KHDRBS2: variants seen among roughly 807,000 people sequenced by gnomAD.
KHDRBS2 encodes KH domain-containing, RNA-binding, signal transduction-associated protein 2.
Under a neutral mutation model 44.3 loss-of-function variants are expected in KHDRBS2, and 26 were observed. The ratio of observed to expected loss-of-function variants is 0.59; its 90% confidence interval spans 0.43 to 0.81. The LOEUF is 0.81. KHDRBS2 is among the 40% of genes least tolerant of loss of function. The pLI is 0.00. For synonymous variants in KHDRBS2, 194 were observed against 151.1 expected (o/e 1.28, Z -2.08); for missense variants, 476 against 433.1 (o/e 1.10, Z -0.88).
chr6:62,109,078 C>T (rs566517980), intron 2 of KHDRBS2, among the ~76,000 whole-genome samples: 1 of 146,646 alleles, frequency 6.8e-6, no homozygotes, highest in South Asian at 2.2e-4. Flanking sequence ...GCACATGTAC[C>T]CTAAAACTTA....
intron 6 of KHDRBS2, among the ~76,000 whole-genome samples, chr6:61,769,631 G>GC (rs1476606005): frequency 6.6e-6 from 1 of 152,124 alleles, no homozygotes; most frequent in Non-Finnish European, 1.5e-5. Flanking sequence ...GAGGCTGGGG[G>GC]GGCGGCGCCC....
At chr6:61,780,657 A>G (rs866038185) in intron 6 of KHDRBS2, among the ~76,000 whole-genome samples, 1 of 152,314 alleles carries the variant, frequency 6.6e-6, no homozygotes, top group Middle Eastern at 3.4e-3. Flanking sequence ...TACCCACAAA[A>G]CAAATCTAGC....
chr6:62,265,577 G>A (rs1839067727), intron 1 of KHDRBS2, among the ~76,000 whole-genome samples: 1 of 152,004 alleles, frequency 6.6e-6, no homozygotes, highest in South Asian at 2.1e-4. Context: ...AAATGAATCA[G>A]CTAAGTGTTA....
chr6:62,267,093 A>G (rs1210001909), intron 1 of KHDRBS2, among the ~76,000 whole-genome samples: 1 of 152,014 alleles, frequency 6.6e-6, no homozygotes, highest in Non-Finnish European at 1.5e-5. Context: ...TCCTATGACC[A>G]GTCCTGTTCT....
chr6:62,195,454 T>A (rs1184910018), intron 1 of KHDRBS2, among the ~76,000 whole-genome samples: 1 of 152,140 alleles, frequency 6.6e-6, no homozygotes, highest in East Asian at 1.9e-4. Context: ...AAATTTTTAA[T>A]AAAATAAACT....
the KHDRBS2 span, among the ~76,000 whole-genome samples, chr6:61,585,531 A>G: frequency 5.3e-5 from 8 of 152,218 alleles, no homozygotes; most frequent in Middle Eastern, 6.8e-3. Context: ...AGAGGCTTAG[A>G]AAATACGATT....
At chr6:61,585,227 A>G in the KHDRBS2 span, among the ~76,000 whole-genome samples, 1 of 151,990 alleles carries the variant, frequency 6.6e-6, no homozygotes, top group African/African-American at 2.4e-5. Flanking sequence ...AATGTTCAGT[A>G]AAACTAGAGA....
At chr6:62,260,297 T>G (rs1401221309) in intron 1 of KHDRBS2, among the ~76,000 whole-genome samples, 1 of 152,022 alleles carries the variant, frequency 6.6e-6, no homozygotes, top group Non-Finnish European at 1.5e-5. Context: ...GCCAGGTACC[T>G]TCCTTTTACA....
intron 2 of KHDRBS2, among the ~76,000 whole-genome samples, chr6:62,125,752 C>T (rs943584622): frequency 6.6e-6 from 1 of 152,086 alleles, no homozygotes; most frequent in Non-Finnish European, 1.5e-5. Context: ...CAGGAGGGAA[C>T]CTGCTACCTT....
At chr6:61,879,099 C>T (rs1037931642) in intron 6 of KHDRBS2, among the ~76,000 whole-genome samples, 10 of 151,922 alleles carry the variant, frequency 6.6e-5, no homozygotes, top group Non-Finnish European at 1.3e-4. Context: ...GGTTGCTGCC[C>T]TTCTGCCAAA....
chr6:61,594,854 G>A, the KHDRBS2 span, among the ~76,000 whole-genome samples: 1 of 152,026 alleles, frequency 6.6e-6, no homozygotes, highest in Admixed American at 6.6e-5. Flanking sequence ...TGTCAAATAT[G>A]TCAAAGGCTT....
chr6:61,602,547 C>A, the KHDRBS2 span, among the ~76,000 whole-genome samples: 1 of 152,154 alleles, frequency 6.6e-6, no homozygotes, highest in South Asian at 2.1e-4. Context: ...GACTCCTTCC[C>A]AGATCTTCTC....
chr6:62,055,562 T>A (rs1790080321), intron 2 of KHDRBS2, among the ~76,000 whole-genome samples: 1 of 151,990 alleles, frequency 6.6e-6, no homozygotes, highest in African/African-American at 2.4e-5. Flanking sequence ...GCAATCTCAT[T>A]CCTAGATATA....
At chr6:62,239,746 C>T (rs1454689674) in intron 1 of KHDRBS2, among the ~76,000 whole-genome samples, 4 of 151,928 alleles carry the variant, frequency 2.6e-5, no homozygotes, top group South Asian at 2.1e-4. Context: ...AGTGCAGTGG[C>T]GGGATCTCAG....
intron 2 of KHDRBS2, among the ~76,000 whole-genome samples, chr6:62,060,127 A>G (rs906002493): frequency 1.1e-4 from 16 of 151,790 alleles, no homozygotes; most frequent in African/African-American, 3.9e-4. Flanking sequence ...GTAACATGTG[A>G]GAAAACCCCA....
chr6:61,909,511 G>A (rs1805664207), intron 4 of KHDRBS2, among the ~76,000 whole-genome samples: 1 of 152,072 alleles, frequency 6.6e-6, no homozygotes, highest in South Asian at 2.1e-4. Context: ...AATTTTACAT[G>A]TTCCTTTTGT....
At chr6:62,185,263 T>G (rs1252544422) in intron 1 of KHDRBS2, among the ~76,000 whole-genome samples, 2 of 151,916 alleles carry the variant, frequency 1.3e-5, no homozygotes, top group African/African-American at 4.8e-5. Flanking sequence ...AATAGGAAAT[T>G]ATACCCTAAA....
intron 2 of KHDRBS2, among the ~76,000 whole-genome samples, chr6:62,065,694 T>G: frequency 6.9e-6 from 1 of 145,408 alleles, no homozygotes; most frequent in Non-Finnish European, 1.5e-5. Flanking sequence ...GATGACGAGT[T>G]AGTGGGTGCA....
At position 61,713,879 on chromosome 6, in the gene KHDRBS2, G is replaced by A. The variant is rs192430963; in HGVS notation, c.894-16626C>T. On this transcript the variant is annotated intron_variant, in intron 7 of 8. Coordinates refer to ENST00000281156, the MANE Select transcript of KHDRBS2 (RefSeq NM_152688.4). ...AAACTAGATCCCTATCTTTTACCATGTACTAAAGCCAACTCAAGATGTATT... is the reference window on the plus strand; with the variant it reads ...AAACTAGATCCCTATCTTTTACCATATACTAAAGCCAACTCAAGATGTATT... Among the ~76,000 whole-genome samples the A allele has an allele frequency of 2.2e-3, 338 of 151,754 alleles. 1 individual carries two copies. Among genetic ancestry groups the A allele is most frequent in the African/African-American group, 7.9e-3 (329 of 41,466 alleles).
Sources: gnomAD v4.1 joint callset for allele counts (sites outside exome capture counted in the v4.1 genomes callset) on GRCh38, gnomAD v4.1.1 for gene constraint, MANE v1.5 for transcripts, NCBI Gene and HGNC (gene_info 2026-07-23, HGNC 2026-07-21) for gene names.